Variants in FRAS1 observed in about 807,000 individuals in gnomAD.
FRAS1 encodes Fraser extracellular matrix complex subunit 1, also known as extracellular matrix organizing protein FRAS1.
In FRAS1, 290 loss-of-function variants were observed where a neutral mutation model predicts 435.2. The ratio of observed to expected loss-of-function variants is 0.67; its 90% confidence interval spans 0.61 to 0.73. FRAS1 has a LOEUF of 0.73. FRAS1 is among the 30% of genes least tolerant of loss of function. FRAS1 has a pLI of 0.00. For missense variants in FRAS1, 4,860 were observed against 5,001.5 expected, an observed-to-expected ratio of 0.97 and a Z score of 0.85; for synonymous variants, 1,800 against 1,851.0, an observed-to-expected ratio of 0.97 and a Z score of 0.71.
intron 2 of FRAS1, among the ~76,000 whole-genome samples, chr4:78,232,982 A>G (rs1435214088): frequency 1.3e-5 from 2 of 152,222 alleles, no homozygotes; most frequent in African/African-American, 4.8e-5. Context: ...ACATAAAGAA[A>G]AACTATGGTT....
chr4:78,443,302 G>A (rs143445994), intron 41 of FRAS1, among the ~76,000 whole-genome samples: 3,937 of 152,262 alleles, frequency 0.026, 169 homozygotes, highest in African/African-American at 0.09. Context: ...AGGCTGTGGT[G>A]AGCTGTGATT....
chr4:78,514,231 G>A (rs6832499), intron 65 of FRAS1, among the ~76,000 whole-genome samples: 94 of 152,336 alleles, frequency 6.2e-4, no homozygotes, highest in Non-Finnish European at 7.5e-4. Context: ...AGGCTGCCCC[G>A]CAAGGGCATG....
At chr4:78,247,848 A>T (rs1162568967) in intron 4 of FRAS1, among the ~76,000 whole-genome samples, 1 of 152,130 alleles carries the variant, frequency 6.6e-6, no homozygotes, top group Non-Finnish European at 1.5e-5. Flanking sequence ...TGGAATGGTG[A>T]TCTGAAGTGG....
chr4:78,086,580 A>G (rs200800761), intron 2 of FRAS1, among the ~76,000 whole-genome samples: 1 of 149,820 alleles, frequency 6.7e-6, no homozygotes, highest in Non-Finnish European at 1.5e-5. Context: ...GCAATAAAAA[A>G]TGACAAAGGG....
intron 2 of FRAS1, among the ~76,000 whole-genome samples, chr4:78,067,386 T>G (rs539531105): frequency 6.6e-6 from 1 of 152,316 alleles, no homozygotes; most frequent in African/African-American, 2.4e-5. Context: ...GACCATCTTC[T>G]ATATTTAACT....
intron 14 of FRAS1, among the ~76,000 whole-genome samples, chr4:78,298,018 CTCTCTCTCTCTCTA>C (rs1318875109): frequency 0.012 from 1,306 of 107,498 alleles, 12 homozygotes; most frequent in South Asian, 0.039. Context: ...CTCTCTCTCT[CTCTCTCTCTCTCTA>C]TATATATATA....
In FRAS1 at chr4:78,377,126, T is replaced by C. The variant is rs185960066; in HGVS notation, c.3292+1247T>C. Among the ~76,000 whole-genome samples, 258 of 152,270 alleles carry C rather than the reference T, an allele frequency of 1.7e-3. 2 individuals are homozygous for C. Among genetic ancestry groups the C allele is most frequent in the Admixed American group, 0.016 (243 of 15,292 alleles). On this transcript the variant is annotated intron_variant, in intron 26 of 73. Coordinates refer to ENST00000512123, the MANE Select transcript of FRAS1 (RefSeq NM_025074.7). ...AGTCTTAATTTTGAATCCCAAAACC[T>C]TTATGGTGAGTAAAGCTTGGGAGGG...
At chr4:78,475,081 C>T (rs552814075) in intron 53 of FRAS1, among the ~76,000 whole-genome samples, 1 of 152,356 alleles carries the variant, frequency 6.6e-6, no homozygotes, top group Admixed American at 6.5e-5. Context: ...TAAGAACCCA[C>T]TGACCTATTG....
chr4:78,301,011 A>T (rs1728366951), intron 14 of FRAS1, among the ~76,000 whole-genome samples: 1 of 152,206 alleles, frequency 6.6e-6, no homozygotes, highest in Admixed American at 6.5e-5. Flanking sequence ...GGGGAGAAAA[A>T]GTGTCTGAAA....
chr4:78,065,596 C>A (rs574825067), intron 1 of FRAS1, among the ~76,000 whole-genome samples: 1 of 152,090 alleles, frequency 6.6e-6, no homozygotes, highest in African/African-American at 2.4e-5. Context: ...CTAAGTTGGC[C>A]TCTTGGGTTG....
At chr4:78,081,730 A>G (rs1475800569) in intron 2 of FRAS1, among the ~76,000 whole-genome samples, 2 of 152,128 alleles carry the variant, frequency 1.3e-5, no homozygotes, top group Non-Finnish European at 2.9e-5. Flanking sequence ...GTAGACAGTT[A>G]AGGAAGTCCA....
At chr4:78,195,929 A>G (rs996634042) in intron 2 of FRAS1, among the ~76,000 whole-genome samples, 1 of 147,704 alleles carries the variant, frequency 6.8e-6, no homozygotes, top group African/African-American at 2.5e-5. Context: ...TCTCCCTGGC[A>G]TGTTGTTATT....
intron 9 of FRAS1, among the ~76,000 whole-genome samples, chr4:78,275,933 C>T (rs953652996): frequency 8.5e-5 from 13 of 152,186 alleles, no homozygotes; most frequent in Non-Finnish European, 1.6e-4. Flanking sequence ...TCCATTCTCC[C>T]CGTCACTTTT....
intron 2 of FRAS1, among the ~76,000 whole-genome samples, chr4:78,116,696 C>T (rs1349333667): frequency 6.6e-6 from 1 of 152,158 alleles, no homozygotes; most frequent in African/African-American, 2.4e-5. Context: ...GATCTTCCTC[C>T]ATCCCTTTAT....
At chr4:78,255,212 C>A (rs1412673049) in intron 5 of FRAS1, 30 bp from the exon 6 acceptor site, 12 of 1,551,272 alleles carry the variant, frequency 7.7e-6, no homozygotes, top group South Asian at 1.2e-5. Flanking sequence ...TGCCATCCCC[C>A]TAGTAATCCT....
chr4:78,292,523 C>G (rs1727944703), intron 14 of FRAS1, among the ~76,000 whole-genome samples: 1 of 152,168 alleles, frequency 6.6e-6, no homozygotes. Flanking sequence ...AGCAGCCAGT[C>G]ATTTGCAGAA....
chr4:78,302,109 G>A (rs986901763), intron 14 of FRAS1, among the ~76,000 whole-genome samples: 1 of 151,146 alleles, frequency 6.6e-6, no homozygotes, highest in Non-Finnish European at 1.5e-5. Context: ...GCGGTGTTTG[G>A]TTTTTTGTTC....
intron 61 of FRAS1, among the ~76,000 whole-genome samples, chr4:78,506,418 T>G (rs1311018668): frequency 6.6e-6 from 1 of 152,176 alleles, no homozygotes; most frequent in East Asian, 1.9e-4. Flanking sequence ...AGTTCGAGCT[T>G]CCCAGCCGCT....
chr4:78,365,847 C>T (rs1233692461), intron 22 of FRAS1, among the ~76,000 whole-genome samples: 11 of 151,490 alleles, frequency 7.3e-5, no homozygotes, highest in African/African-American at 4.9e-5. Flanking sequence ...ACCTGTAATT[C>T]CAGCTACTCG....
Sources: allele counts gnomAD v4.1 joint callset (sites outside exome capture counted in the v4.1 genomes callset), GRCh38; gene constraint gnomAD v4.1.1; transcripts MANE v1.5; gene names NCBI Gene and HGNC (gene_info 2026-07-23, HGNC 2026-07-21).